The following NTRK2 variants were observed in gnomAD, a reference collection of about 807,000 sequenced individuals.
NTRK2 encodes the protein neurotrophic receptor tyrosine kinase 2.
NTRK2 carries 13 observed loss-of-function variants against 94.5 expected under a neutral mutation model. The observed-to-expected ratio is 0.14, with a 90% CI of 0.09 to 0.22. NTRK2 has a LOEUF of 0.22. Among genes scored for constraint, NTRK2 ranks in the 10% least tolerant of loss-of-function variants. The probability of loss-of-function intolerance (pLI) is 1.00; values close to 1 mark genes in which losing one functional copy is unlikely to be tolerated. For missense variants in NTRK2, 639 were observed against 1,071.2 expected, an observed-to-expected ratio of 0.60 and a Z score of 5.63; for synonymous variants, 372 against 407.4, an observed-to-expected ratio of 0.91 and a Z score of 1.05.
Position 85,009,770 on chromosome 9 carries a change from A to G in NTRK2, c.2173-10436A>G, listed in dbSNP as rs576055150. 2.6e-5 allele frequency among the ~76,000 whole-genome samples: 4 copies of G among 152,328 alleles called. No homozygotes were observed. The South Asian group carries it at 8.3e-4, about 32-fold the overall frequency. ...ATATCAGAGATAGCAGAAAAGAACC[A>G]TAATGATGCCAGGTTGGCATTTAGA... On this transcript the variant is annotated intron_variant, in intron 17 of 18. Coordinates refer to ENST00000277120, the MANE Select transcript of NTRK2 (RefSeq NM_006180.6).
intron 2 of NTRK2, among the ~76,000 whole-genome samples, chr9:84,675,324 CTTTTTTTTTTTTTTTTT>C (rs536445167): frequency 1.5e-5 from 1 of 67,324 alleles, no homozygotes; most frequent in Non-Finnish European, 2.6e-5. Flanking sequence ...TCTTTCTTTC[CTTTTTTTTTTTTTTTTT>C]TTTTTTTTTT....
At chr9:84,714,105 C>T (rs1405710888) in intron 6 of NTRK2, among the ~76,000 whole-genome samples, 1 of 152,144 alleles carries the variant, frequency 6.6e-6, no homozygotes, top group Non-Finnish European at 1.5e-5. Context: ...TCCTTGTGTA[C>T]CGCATTATGG....
chr9:84,904,539 C>A (rs2132428880), intron 14 of NTRK2, among the ~76,000 whole-genome samples: 1 of 152,294 alleles, frequency 6.6e-6, no homozygotes, highest in African/African-American at 2.4e-5. Context: ...AAGGGAATCT[C>A]AAATTTCTGT....
chr9:84,867,217 G>A, intron 13 of NTRK2, 26 bp from the exon 14 acceptor site: 1 of 1,608,938 alleles, frequency 6.2e-7, no homozygotes, highest in South Asian at 1.1e-5. Context: ...GATTACAGGA[G>A]AATATATATA....
chr9:84,960,397 A>G, intron 17 of NTRK2, among the ~76,000 whole-genome samples: 1 of 152,234 alleles, frequency 6.6e-6, no homozygotes. Flanking sequence ...AAGGTTTAGT[A>G]ATTTAAGAAC....
intron 17 of NTRK2, among the ~76,000 whole-genome samples, chr9:84,959,848 G>A (rs886519714): frequency 5.9e-5 from 9 of 152,222 alleles, no homozygotes; most frequent in Middle Eastern, 6.8e-3. Context: ...TGCCTGTGCC[G>A]CATTGAGACC....
intron 6 of NTRK2, among the ~76,000 whole-genome samples, chr9:84,715,333 G>C (rs1031324864): frequency 1.3e-5 from 2 of 151,970 alleles, no homozygotes; most frequent in Non-Finnish European, 2.9e-5. Context: ...ATTTTTGAGA[G>C]AGTCTCATTT....
intron 9 of NTRK2, among the ~76,000 whole-genome samples, chr9:84,738,895 C>A (rs989799452): frequency 1.3e-5 from 2 of 152,128 alleles, no homozygotes; most frequent in Non-Finnish European, 2.9e-5. Context: ...TGTCATACAT[C>A]TGGGAGGATG....
In NTRK2 at chr9:84,847,722, A is replaced by G. The variant is rs147207560; in HGVS notation, c.1397-13318A>G. Among the ~76,000 whole-genome samples, 12 of 152,262 alleles carry G rather than the reference A, an allele frequency of 7.9e-5. No homozygotes were observed. The East Asian group carries it at 1.9e-3, about 24-fold the overall frequency. Reference sequence around the variant, plus strand: ...GCAGGGATTGGAATTATGTTGATTTATTTATGTCTGAGCCATTGGTTCCAC... The same window carrying G: ...GCAGGGATTGGAATTATGTTGATTTGTTTATGTCTGAGCCATTGGTTCCAC... On this transcript the variant is annotated intron_variant, in intron 12 of 18. Transcript: ENST00000277120.
chr9:84,818,913 G>A (rs893912953), intron 12 of NTRK2, among the ~76,000 whole-genome samples: 1 of 152,194 alleles, frequency 6.6e-6, no homozygotes, highest in African/African-American at 2.4e-5. Context: ...GCAGAGCAGC[G>A]TCGGAGCTGC....
intron 9 of NTRK2, among the ~76,000 whole-genome samples, chr9:84,733,169 A>G (rs71506662): frequency 0.089 from 13,591 of 152,234 alleles, 1,121 homozygotes; most frequent in African/African-American, 0.21. Context: ...GAGTGGTTCC[A>G]TGGAAGCCCC....
At chr9:84,910,373 G>A (rs1208931029) in intron 14 of NTRK2, among the ~76,000 whole-genome samples, 1 of 152,084 alleles carries the variant, frequency 6.6e-6, no homozygotes, top group African/African-American at 2.4e-5. Context: ...TCTTCTTATG[G>A]CTGTTGGTAA....
intron 14 of NTRK2, among the ~76,000 whole-genome samples, chr9:84,870,567 G>C (rs2075826689): frequency 6.6e-6 from 1 of 151,168 alleles, no homozygotes; most frequent in South Asian, 2.1e-4. Flanking sequence ...TGCCCAGGCT[G>C]GTCTTGAACT....
At chr9:84,888,946 T>C (rs942516458) in intron 14 of NTRK2, among the ~76,000 whole-genome samples, 4 of 150,772 alleles carry the variant, frequency 2.7e-5, no homozygotes, top group African/African-American at 9.8e-5. Flanking sequence ...AATTGCCTCA[T>C]TGGCGAACTT....
chr9:84,935,856 T>C (rs1012745277), intron 15 of NTRK2, among the ~76,000 whole-genome samples: 2 of 152,100 alleles, frequency 1.3e-5, no homozygotes, highest in African/African-American at 4.8e-5. Context: ...TTACTGTATC[T>C]TTTTTTTCCC....
chr9:84,864,620 T>C (rs2075492070), intron 13 of NTRK2, among the ~76,000 whole-genome samples: 1 of 152,054 alleles, frequency 6.6e-6, no homozygotes, highest in African/African-American at 2.4e-5. Flanking sequence ...GGCAGTAGCA[T>C]GTTTTAGTAA....
intron 14 of NTRK2, chr9:84,876,983 T>A (rs1490865799): frequency 9.4e-7 from 1 of 1,061,134 alleles, no homozygotes; most frequent in Non-Finnish European, 1.1e-6. Flanking sequence ...ACTCATTTTC[T>A]TAGTAAGATA....
intron 12 of NTRK2, among the ~76,000 whole-genome samples, chr9:84,766,233 G>C (rs961858733): frequency 2.4e-4 from 36 of 152,138 alleles, no homozygotes; most frequent in African/African-American, 8.2e-4. Flanking sequence ...GGAGCTCGCT[G>C]ATGTCCTGGG....
chr9:84,748,390 GCAGTAGAGCC>G (rs763546741), intron 11 of NTRK2, among the ~76,000 whole-genome samples: 1 of 152,236 alleles, frequency 6.6e-6, no homozygotes, highest in Non-Finnish European at 1.5e-5. Flanking sequence ...CTGCTTTTCA[GCAGTAGAGCC>G]CACTTCCCAT....
Sources: gnomAD v4.1 joint callset for allele counts (sites outside exome capture counted in the v4.1 genomes callset) on GRCh38, gnomAD v4.1.1 for gene constraint, MANE v1.5 for transcripts, NCBI Gene and HGNC (gene_info 2026-07-23, HGNC 2026-07-21) for gene names.